Variants in PPFIA2 observed in about 807,000 individuals in gnomAD.
The protein encoded by PPFIA2 is liprin-alpha-2.
A neutral mutation model predicts 175.5 loss-of-function variants in PPFIA2; 46 were observed. The ratio of observed to expected loss-of-function variants is 0.26; its 90% CI spans 0.21 to 0.34. PPFIA2 has a LOEUF of 0.34. PPFIA2 is among the 10% of genes least tolerant of loss of function. The probability of loss-of-function intolerance (pLI) is 1.00; values close to 1 mark genes in which losing one functional copy is unlikely to be tolerated. For synonymous variants in PPFIA2, 568 were observed against 511.4 expected (o/e 1.11, Z -1.49); for missense variants, 1,179 against 1,506.1 (o/e 0.78, Z 3.60).
intron 23 of PPFIA2, among the ~76,000 whole-genome samples, chr12:81,297,365 G>T (rs1343660): frequency 0.54 from 81,199 of 151,744 alleles, 22,313 homozygotes; most frequent in East Asian, 0.87. Context: ...CCTTTTAGTT[G>T]AAAAATTCTA....
chr12:81,411,049 A>G (rs1007869429), intron 7 of PPFIA2, among the ~76,000 whole-genome samples: 4 of 152,124 alleles, frequency 2.6e-5, no homozygotes, highest in Non-Finnish European at 5.9e-5. Flanking sequence ...TGCAACTAAA[A>G]GTGACTTGCA....
At chr12:81,469,649 C>T (rs1423115400) in intron 4 of PPFIA2, among the ~76,000 whole-genome samples, 1 of 152,170 alleles carries the variant, frequency 6.6e-6, no homozygotes, top group Non-Finnish European at 1.5e-5. Flanking sequence ...TAAATCTTTG[C>T]AATCTTGGAT....
In PPFIA2 at chr12:81,748,134, C is replaced by T. The variant is rs964025446; in HGVS notation, c.249+5839G>A. Among the ~76,000 whole-genome samples, 9 of 144,448 alleles carry T rather than the reference C, an allele frequency of 6.2e-5. 2 individuals carry two copies. The East Asian group carries it at 1.1e-3, about 17-fold the overall frequency. 94.8% of individuals were successfully genotyped at this position (144,448 alleles called of 152,430 possible). On this transcript the variant is annotated intron_variant, in intron 3 of 32. Coordinates refer to ENST00000549396, the MANE Select transcript of PPFIA2 (RefSeq NM_003625.5). ...AGTCCAAAGCCTTGGCCATTCAGGACATTACCCATCCCTGACCATTCTTTC... is the reference window on the plus strand; with the variant it reads ...AGTCCAAAGCCTTGGCCATTCAGGATATTACCCATCCCTGACCATTCTTTC...
intron 9 of PPFIA2, chr12:81,378,117 G>A (rs1485962122): frequency 1.3e-5 from 2 of 152,156 alleles, no homozygotes; most frequent in East Asian, 3.9e-4. Flanking sequence ...TTAGAAGCTA[G>A]AAGGGGGGAA....
At chr12:81,647,326 A>C (rs983421770) in intron 4 of PPFIA2, among the ~76,000 whole-genome samples, 1 of 152,192 alleles carries the variant, frequency 6.6e-6, no homozygotes, top group Non-Finnish European at 1.5e-5. Flanking sequence ...AAAAGCTGTA[A>C]GACAGTATCA....
chr12:81,717,339 G>A (rs2078761019), intron 3 of PPFIA2, among the ~76,000 whole-genome samples: 1 of 151,534 alleles, frequency 6.6e-6, no homozygotes, highest in South Asian at 2.1e-4. Context: ...TATCTTATGG[G>A]TGATGTCCAG....
At position 81,476,445 on chromosome 12, in the gene PPFIA2, T is replaced by G. The variant is rs142911783; in HGVS notation, c.304-18579A>C. 5.1e-4 allele frequency among the ~76,000 whole-genome samples: 78 copies of G among 152,320 alleles called. 1 individual carries two copies. The highest frequency in any genetic ancestry group is 1.7e-3 in the African/African-American group (72 of 41,578). On this transcript the variant is annotated intron_variant, in intron 4 of 32. Coordinates refer to ENST00000549396, the MANE Select transcript of PPFIA2 (RefSeq NM_003625.5). Reference sequence around the variant, plus strand: ...CATCCCTGAAAATTTGTATTTATTTTCTCTCTGCCAGTTACCTAGTTTGTG... The same window carrying G: ...CATCCCTGAAAATTTGTATTTATTTGCTCTCTGCCAGTTACCTAGTTTGTG...
chr12:81,696,598 A>C (rs2075919768), intron 3 of PPFIA2, among the ~76,000 whole-genome samples: 1 of 152,168 alleles, frequency 6.6e-6, no homozygotes, highest in Non-Finnish European at 1.5e-5. Flanking sequence ...TACAGATCGA[A>C]TGGGGACCTC....
At chr12:81,715,541 T>C (rs1347528849) in intron 3 of PPFIA2, among the ~76,000 whole-genome samples, 1 of 151,762 alleles carries the variant, frequency 6.6e-6, no homozygotes, top group Non-Finnish European at 1.5e-5. Flanking sequence ...GTGCTTTTTC[T>C]CAGCTTTTTT....
intron 4 of PPFIA2, among the ~76,000 whole-genome samples, chr12:81,531,439 G>A (rs1250457504): frequency 6.6e-6 from 1 of 151,712 alleles, no homozygotes; most frequent in African/African-American, 2.4e-5. Flanking sequence ...CCAACATCAA[G>A]AGATCACAGA....
intron 4 of PPFIA2, among the ~76,000 whole-genome samples, chr12:81,510,677 C>T (rs369840673): frequency 3.9e-5 from 6 of 151,924 alleles, no homozygotes; most frequent in Non-Finnish European, 7.4e-5. Flanking sequence ...AAGAATAACC[C>T]GTGGAATTTC....
intron 4 of PPFIA2, among the ~76,000 whole-genome samples, chr12:81,575,096 T>C (rs2073270427): frequency 6.6e-6 from 1 of 151,870 alleles, no homozygotes; most frequent in Non-Finnish European, 1.5e-5. Context: ...AAATGAAATA[T>C]TTGTGAGACC....
chr12:81,309,745 C>A (rs1358629343), intron 22 of PPFIA2, among the ~76,000 whole-genome samples: 1 of 151,986 alleles, frequency 6.6e-6, no homozygotes, highest in Non-Finnish European at 1.5e-5. Context: ...AAATATAGGG[C>A]ATAGTCTCAG....
chr12:81,661,511 T>C (rs576337884), intron 4 of PPFIA2, among the ~76,000 whole-genome samples: 19 of 152,284 alleles, frequency 1.2e-4, no homozygotes, highest in African/African-American at 3.8e-4. Flanking sequence ...ATCCTAGATA[T>C]ATATGCGCCC....
At chr12:81,612,671 T>G (rs1446323256) in intron 4 of PPFIA2, among the ~76,000 whole-genome samples, 1 of 152,208 alleles carries the variant, frequency 6.6e-6, no homozygotes, top group Non-Finnish European at 1.5e-5. Context: ...AATTGAAATT[T>G]AAAACTTCTG....
chr12:81,734,066 C>A (rs748559673), intron 3 of PPFIA2, among the ~76,000 whole-genome samples: 1 of 151,802 alleles, frequency 6.6e-6, no homozygotes, highest in African/African-American at 2.4e-5. Flanking sequence ...ATAATCAGCA[C>A]CTGTCCCAGA....
At chr12:81,708,993 C>T (rs1369086689) in intron 3 of PPFIA2, among the ~76,000 whole-genome samples, 1 of 152,112 alleles carries the variant, frequency 6.6e-6, no homozygotes, top group African/African-American at 2.4e-5. Flanking sequence ...TGAAGCTCTG[C>T]TTCATTTATA....
intron 4 of PPFIA2, among the ~76,000 whole-genome samples, chr12:81,668,361 T>TTAGC (rs1367594909): frequency 1.3e-5 from 2 of 152,006 alleles, no homozygotes; most frequent in Non-Finnish European, 2.9e-5. Context: ...CTAATTTAGG[T>TTAGC]TAGCTTAACC....
rs911394607 is a variant in PPFIA2, at chr12:81,373,044, A to C, written c.1266+1590T>G. On this transcript the variant is annotated intron_variant, in intron 11 of 32. Coordinates refer to ENST00000549396, the MANE Select transcript of PPFIA2 (RefSeq NM_003625.5). ...ATATTCTAAATCAATAATTCTTGGG[A>C]GTATTTAATATAGTGTTTTTTATGT... Among the ~76,000 whole-genome samples the C allele has an allele frequency of 8.6e-5, 13 of 151,888 alleles. No homozygotes were observed. In the East Asian group the frequency reaches 2.5e-3, roughly 29 times the overall value.
Sources: allele counts gnomAD v4.1 joint callset (sites outside exome capture counted in the v4.1 genomes callset), GRCh38; gene constraint gnomAD v4.1.1; transcripts MANE v1.5; gene names NCBI Gene and HGNC (gene_info 2026-07-23, HGNC 2026-07-21).